Variants in SEMA5A observed in about 807,000 individuals in gnomAD.
The protein encoded by SEMA5A is semaphorin-5A.
In SEMA5A, 55 loss-of-function variants were observed where a neutral mutation model predicts 135.5. The ratio of observed to expected loss-of-function variants is 0.41; its 90% CI spans 0.33 to 0.51. SEMA5A has a LOEUF of 0.51. Among genes scored for constraint, SEMA5A ranks in the 20% least tolerant of loss-of-function variants. SEMA5A has a pLI of 0.37. For synonymous variants in SEMA5A, 580 were observed against 546.5 expected (o/e 1.06, Z -0.85); for missense variants, 1,290 against 1,419.9 (o/e 0.91, Z 1.47).
chr5:9,229,420 G>A (rs927219937), intron 6 of SEMA5A, among the ~76,000 whole-genome samples: 1 of 152,136 alleles, frequency 6.6e-6, no homozygotes, highest in Non-Finnish European at 1.5e-5. Flanking sequence ...TCCTTCCCAG[G>A]CTGAAGAGAA....
At chr5:9,085,120 T>C (rs1210878032) in intron 16 of SEMA5A, among the ~76,000 whole-genome samples, 5 of 152,214 alleles carry the variant, frequency 3.3e-5, no homozygotes, top group Non-Finnish European at 7.3e-5. Context: ...AAGTGGTGAC[T>C]TGGGTGCTGT....
At chr5:9,188,497 T>A (rs1347761412) in intron 11 of SEMA5A, among the ~76,000 whole-genome samples, 6 of 152,140 alleles carry the variant, frequency 3.9e-5, no homozygotes, top group African/African-American at 1.4e-4. Context: ...GGTTGAGACC[T>A]CAGGCTGCTC....
Position 9,436,648 on chromosome 5 carries a change from C to G in SEMA5A, c.-78+1108G>C, listed in dbSNP as rs537486314. ...TTTGTGAATGGGGAAAAAATATAAG[C>G]CTGTCCACAATGAGACGGTAATTTA... On this transcript the variant is annotated intron_variant, in intron 2 of 22. Coordinates refer to ENST00000382496, the MANE Select transcript of SEMA5A (RefSeq NM_003966.3). 2.0e-5 allele frequency among the ~76,000 whole-genome samples: 3 copies of G among 152,130 alleles called. 1 individual carries two copies. Among genetic ancestry groups the G allele is most frequent in the Admixed American group, 2.0e-4 (3 of 15,280 alleles).
chr5:9,462,671 T>G (rs562047753), intron 1 of SEMA5A, among the ~76,000 whole-genome samples: 1 of 152,190 alleles, frequency 6.6e-6, no homozygotes, highest in African/African-American at 2.4e-5. Context: ...TCATGTCCTT[T>G]GCAGGAACAT....
At chr5:9,469,111 C>T (rs949418797) in intron 1 of SEMA5A, among the ~76,000 whole-genome samples, 23 of 152,258 alleles carry the variant, frequency 1.5e-4, no homozygotes, top group Admixed American at 1.1e-3. Context: ...CAGATTCAAG[C>T]GATTCTCCTG....
At chr5:9,103,617 A>G (rs1032604073) in intron 16 of SEMA5A, among the ~76,000 whole-genome samples, 4 of 152,184 alleles carry the variant, frequency 2.6e-5, no homozygotes, top group Admixed American at 6.5e-5. Flanking sequence ...ATGATATTTC[A>G]GTAAGAAATA....
chr5:9,291,761 C>CTTT (rs57416491), intron 5 of SEMA5A, among the ~76,000 whole-genome samples: 6 of 128,176 alleles, frequency 4.7e-5, no homozygotes, highest in Admixed American at 3.9e-4. Context: ...CAGCCAAGTT[C>CTTT]TTTTTTTTTT....
chr5:9,489,969 A>G (rs929574526), intron 1 of SEMA5A, among the ~76,000 whole-genome samples: 1 of 152,192 alleles, frequency 6.6e-6, no homozygotes, highest in African/African-American at 2.4e-5. Context: ...TTTGCAGAAG[A>G]CATGGAAGTT....
In SEMA5A at chr5:9,306,991, T is replaced by C. The variant is rs187712076; in HGVS notation, c.270+11381A>G. Among the ~76,000 whole-genome samples, 73 of 152,330 alleles carry C rather than the reference T, an allele frequency of 4.8e-4. No homozygotes were observed. In the Middle Eastern group the frequency reaches 0.014, roughly 28 times the overall value. ...CCAGATATTACCAAAATTACATGTA[T>C]AGTCATGCCTAATTTCGTATAAAGC... On this transcript the variant is annotated intron_variant, in intron 5 of 22. Transcript: ENST00000382496.
chr5:9,178,016 C>T (rs1054465842), intron 11 of SEMA5A, among the ~76,000 whole-genome samples: 2 of 152,074 alleles, frequency 1.3e-5, no homozygotes, highest in Non-Finnish European at 2.9e-5. Context: ...AACCTTCAGC[C>T]TGCCTCATTC....
At chr5:9,470,096 G>T (rs1579593296) in intron 1 of SEMA5A, among the ~76,000 whole-genome samples, 2 of 151,852 alleles carry the variant, frequency 1.3e-5, no homozygotes, top group Non-Finnish European at 2.9e-5. Flanking sequence ...GAGCATGTTA[G>T]GGGGGGTTCC....
intron 16 of SEMA5A, among the ~76,000 whole-genome samples, chr5:9,081,406 TTATG>T (rs1276333851): frequency 6.6e-6 from 1 of 152,106 alleles, no homozygotes; most frequent in African/African-American, 2.4e-5. Flanking sequence ...TAATATACAT[TTATG>T]TATGTATGTG....
chr5:9,431,674 C>T lies in SEMA5A; in HGVS notation c.-78+6082G>A, dbSNP rs139963762. 5.3e-5 allele frequency among the ~76,000 whole-genome samples: 8 copies of T among 152,234 alleles called. No individual in the cohort carries two copies. In the East Asian group the frequency reaches 1.2e-3, roughly 22 times the overall value. Reference sequence around the variant, plus strand: ...GTCCCATGAAATCCAAAGATCCAAACGTGGGGTCGTTTTTATGCCCTCAGG... The same window carrying T: ...GTCCCATGAAATCCAAAGATCCAAATGTGGGGTCGTTTTTATGCCCTCAGG... On this transcript the variant is annotated intron_variant, in intron 2 of 22. Transcript: ENST00000382496.
At chr5:9,489,592 C>A (rs1225733042) in intron 1 of SEMA5A, among the ~76,000 whole-genome samples, 1 of 152,080 alleles carries the variant, frequency 6.6e-6, no homozygotes, top group Non-Finnish European at 1.5e-5. Context: ...TTTGAGAAAA[C>A]CACTCTTCAA....
At position 9,224,783 on chromosome 5, in the gene SEMA5A, G is replaced by T. The variant is rs771120479; in HGVS notation, c.537C>A (p.Leu179=). ...STALLTAGGE[L]YAATAMDFPG... ...GAAAATCCATGGCTGTAGCAGCATA[G>T]AGCTCCCCACCAGCTGTGAGGAGCG... Residue 179 remains leucine, a synonymous_variant, in exon 8 of 23, where the codon CTC becomes CTA. Transcript: ENST00000382496. The T allele has an allele frequency of 1.9e-6, 3 of 1,614,010 alleles. No individual in the cohort carries two copies. The East Asian group carries it at 6.7e-5, about 36-fold the overall frequency.
intron 1 of SEMA5A, among the ~76,000 whole-genome samples, chr5:9,478,133 G>A (rs1044889518): frequency 2.6e-5 from 4 of 152,232 alleles, no homozygotes; most frequent in Non-Finnish European, 4.4e-5. Context: ...CAGCTTCCAC[G>A]TGGTGTTCAG....
intron 3 of SEMA5A, among the ~76,000 whole-genome samples, chr5:9,342,156 CTT>C (rs1225750253): frequency 4.0e-5 from 6 of 151,780 alleles, no homozygotes; most frequent in East Asian, 1.9e-4. Flanking sequence ...AAAAGCTACT[CTT>C]TTAAAAAAAG....
chr5:9,455,739 C>T (rs1484712896), intron 1 of SEMA5A, among the ~76,000 whole-genome samples: 1 of 152,122 alleles, frequency 6.6e-6, no homozygotes, highest in Non-Finnish European at 1.5e-5. Context: ...CTAAAATTCC[C>T]CCAATCTCTC....
chr5:9,147,235 TA>T (rs1742386312), intron 12 of SEMA5A, among the ~76,000 whole-genome samples: 1 of 152,224 alleles, frequency 6.6e-6, no homozygotes, highest in Non-Finnish European at 1.5e-5. Context: ...CTAACTGCAT[TA>T]AGAACGCCCA....
Sources: gnomAD v4.1 joint callset for allele counts (sites outside exome capture counted in the v4.1 genomes callset) on GRCh38, gnomAD v4.1.1 for gene constraint, MANE v1.5 for transcripts, NCBI Gene and HGNC (gene_info 2026-07-23, HGNC 2026-07-21) for gene names.